The following NOTCH3 variants were observed in gnomAD, a reference collection of about 807,000 sequenced individuals.
NOTCH3 encodes neurogenic locus notch homolog protein 3.
Under a neutral mutation model 213.3 loss-of-function variants are expected in NOTCH3, and 86 were observed. That is an observed-to-expected ratio of 0.40 (90% CI 0.34 to 0.48). The LOEUF (loss-of-function observed/expected upper bound fraction) is 0.48, where lower values mean the gene tolerates loss of function less well. Ranked by LOEUF, NOTCH3 falls within the 20% of genes least tolerant of loss-of-function variation. The pLI is 0.57. For missense variants in NOTCH3, 2,783 were observed against 3,272.6 expected (o/e 0.85, Z 3.65); for synonymous variants, 1,354 against 1,355.9 (o/e 1.00, Z 0.03).
At chr19:15,167,472 C>T in intron 28 of NOTCH3, 61 bp from the exon 29 acceptor site, 1 of 1,532,248 alleles carries the variant, frequency 6.5e-7, no homozygotes, top group Non-Finnish European at 8.9e-7. Context: ...AGAGCCACTG[C>T]CAGGGATGGG....
intron 32 of NOTCH3, 107 bp downstream of exon 32, chr19:15,162,358 T>G: frequency 2.4e-6 from 2 of 835,108 alleles, no homozygotes; most frequent in Non-Finnish European, 4.0e-6. Flanking sequence ...ATGTTTGGGG[T>G]TTTATTTTGT....
rs986522806 is a variant in NOTCH3 at position 15,165,111 on chromosome 19, G to A, written c.5815+257C>T. Among the ~76,000 whole-genome samples the A allele has an allele frequency of 4.6e-5, 7 of 152,154 alleles. No homozygotes were observed. The highest frequency in any genetic ancestry group is 1.7e-4 in the African/African-American group (7 of 41,418). On this transcript the variant is annotated intron_variant, in intron 31 of 32. Coordinates refer to ENST00000263388, the MANE Select transcript of NOTCH3 (RefSeq NM_000435.3). The surrounding 1 kb of genome is among the most constrained non-coding windows in gnomAD (Gnocchi z 4.7). ...CGTTTATTATAATAACTTCCAGCAG[G>A]TGGAAGTACAGTGTGTCCGTCTAAC...
chr19:15,196,638 T>C (rs554568290), intron 2 of NOTCH3, among the ~76,000 whole-genome samples: 3 of 152,178 alleles, frequency 2.0e-5, no homozygotes, highest in Non-Finnish European at 4.4e-5. Flanking sequence ...CTCATAACCT[T>C]GAGAGACTTC....
chr19:15,170,898 T>C, intron 25 of NOTCH3, 73 bp from the exon 26 acceptor site: 2 of 1,538,344 alleles, frequency 1.3e-6, no homozygotes, highest in Non-Finnish European at 1.8e-6. Context: ...AAGCCCCACT[T>C]TCCCTCCCCA....
Position 15,181,731 on chromosome 19 carries a change from G to A in NOTCH3, c.2637C>T (p.Phe879=), listed in dbSNP as rs2145424336. 2 of 1,573,748 alleles carry A rather than the reference G, an allele frequency of 1.3e-6. No homozygotes were observed. Among genetic ancestry groups the A allele is most frequent in the Non-Finnish European group, 1.7e-6 (2 of 1,159,192 alleles). ...GSFSCSCLPG[F]AGPRCARDVD... is the part of the protein sequence containing the mutation. ...CATCGCGGGCGCATCGTGGGCCGGC[G>A]AAACCAGGGAGGCAGGAGCAGGAAA... The change falls in exon 17 of 33, where the codon TTC becomes TTT. Residue 879 remains phenylalanine, a synonymous_variant. Coordinates refer to ENST00000263388, the MANE Select transcript of NOTCH3 (RefSeq NM_000435.3).
In NOTCH3 at chr19:15,178,099, C is replaced by A; in HGVS notation, c.3838-9G>T. The A allele has an allele frequency of 7.6e-7, 1 of 1,316,840 alleles. No individual in the cohort carries two copies. The highest frequency in any genetic ancestry group is 2.3e-5 in the Admixed American group (1 of 43,186). The allele number at this position is 1,316,840 out of a possible 1,614,324, so 81.6% of individuals were successfully genotyped here. A position where few individuals can be genotyped will look rare whatever the true frequency, so the allele number is the denominator to read the frequency against. On this transcript the variant is annotated splice_polypyrimidine_tract_variant and intron_variant, in intron 23 of 32. Transcript: ENST00000263388. The stretch of plus-strand genomic sequence containing the variant: ...CGCGGACCCCAGAACGGCTGGGGGT[C>A]GGGTTTGGGGAGGGAGGGATAAAAA...
chr19:15,160,864 C>A lies in NOTCH3; in HGVS notation c.6764G>T (p.Trp2255Leu). 5 of 1,613,916 alleles carry A rather than the reference C, an allele frequency of 3.1e-6. No individual in the cohort carries two copies. Among genetic ancestry groups the A allele is most frequent in the Non-Finnish European group, 4.2e-6 (5 of 1,179,890 alleles). ...LTPSPESPEH[W>L]ASPSPPSLSD... ...GAGGGAGGGAGGTGAGGGGCTGGCC[C>A]AGTGCTCAGGGGATTCGGGGGATGG... The change falls in exon 33 of 33, where the codon TGG becomes TTG. Residue 2255 changes from tryptophan to leucine, a missense_variant. Physicochemically the swap from Trp to Leu is moderately conservative, Grantham distance 61. Transcript: ENST00000263388.
rs1220670491 is a variant in NOTCH3 at position 15,181,786 on chromosome 19, C to T, written c.2582G>A (p.Gly861Asp). The T allele has an allele frequency of 6.4e-7, 1 of 1,560,428 alleles. No individual in the cohort carries two copies. Among genetic ancestry groups the T allele is most frequent in the South Asian group, 1.2e-5 (1 of 84,722 alleles). ...GCCCACGCCGTCTTGGCACGAGCCACCGTTCAGGCATGGGTCTGCGGACAG... is the reference window on the plus strand; with the variant it reads ...GCCCACGCCGTCTTGGCACGAGCCATCGTTCAGGCATGGGTCTGCGGACAG... Reference protein sequence around the residue: ...NDCDPNPCLNGGSCQDGVGSF... With the variant: ...NDCDPNPCLNDGSCQDGVGSF... Residue 861 changes from glycine (G) to aspartate (D), a missense_variant, in exon 17 of 33, where the codon GGT (glycine) becomes GAT (aspartate). Gly to Asp is a moderately conservative substitution (Grantham distance 94). Coordinates refer to ENST00000263388, the MANE Select transcript of NOTCH3 (RefSeq NM_000435.3).
intron 28 of NOTCH3, 37 bp downstream of exon 28, chr19:15,170,049 T>C (rs1308900284): frequency 8.0e-7 from 1 of 1,244,930 alleles, no homozygotes; most frequent in African/African-American, 1.5e-5. Context: ...AGGGGAGGGG[T>C]CAGAGGAGGG....
At position 15,159,683 on chromosome 19, in the gene NOTCH3, C is replaced by T. The variant is rs770658868; in HGVS notation, c.*979G>A. 24 of 232,642 alleles carry T rather than the reference C, an allele frequency of 1.0e-4. No individual in the cohort carries two copies. The highest frequency in any genetic ancestry group is 1.5e-4 in the African/African-American group (7 of 45,264). 14.4% of individuals were successfully genotyped at this position (232,642 alleles called of 1,614,324 possible). On this transcript the variant is annotated 3_prime_UTR_variant, in exon 33 of 33. Transcript: ENST00000263388. Reference sequence around the variant, plus strand: ...GTGGTGAGGGGAGTGGGGGGCTGTACAATGCAGGGCTTGGGAATTCAGCTA... The same window carrying T: ...GTGGTGAGGGGAGTGGGGGGCTGTATAATGCAGGGCTTGGGAATTCAGCTA...
intron 19 of NOTCH3, 104 bp downstream of exon 19, chr19:15,180,577 C>T: frequency 1.5e-6 from 2 of 1,351,840 alleles, no homozygotes; most frequent in Non-Finnish European, 2.0e-6. Flanking sequence ...CCCCATCATG[C>T]CCCATAGGCT....
rs1031603980 is a variant in NOTCH3 at position 15,177,965 on chromosome 19, T to G, written c.3963A>C (p.Gly1321=). Residue 1321 remains glycine, a synonymous_variant, in exon 24 of 33, where the codon GGA becomes GGC. Transcript: ENST00000263388. ...PRCACPPGLS[G]PSCRSFPGSP... The stretch of plus-strand genomic sequence containing the variant: ...ACCCCGGGAAGCTGCGGCAGGAGGG[T>G]CCCGACAACCCTGGGGGGCAGGCGC... The G allele has an allele frequency of 2.2e-6, 3 of 1,338,674 alleles. No individual in the cohort carries two copies. Among genetic ancestry groups the G allele is most frequent in the Non-Finnish European group, 1.9e-6 (2 of 1,046,236 alleles). 82.9% of individuals were successfully genotyped at this position (1,338,674 alleles called of 1,614,324 possible). A position where few individuals can be genotyped will look rare whatever the true frequency, so the allele number is the denominator to read the frequency against.
intron 1 of NOTCH3, among the ~76,000 whole-genome samples, chr19:15,197,827 A>C (rs2046982560): frequency 7.3e-6 from 1 of 136,764 alleles, no homozygotes; most frequent in Admixed American, 8.1e-5. Context: ...GGAAGGCAGG[A>C]GGAGGGGCTG....
In NOTCH3 at chr19:15,182,094, G is replaced by A. The variant is rs563542151; in HGVS notation, c.2567-293C>T. On this transcript the variant is annotated intron_variant, in intron 16 of 32. Transcript: ENST00000263388. The stretch of plus-strand genomic sequence containing the variant: ...GATCTAATTCCTGTGCTTGGAACAG[G>A]ACAAGGACAGTGGCCATTAGCCACA... 3.3e-5 allele frequency among the ~76,000 whole-genome samples: 5 copies of A among 152,328 alleles called. No individual in the cohort carries two copies. The South Asian group carries it at 1.0e-3, about 32-fold the overall frequency.
At chr19:15,182,467 A>C (rs1368945293) in intron 16 of NOTCH3, among the ~76,000 whole-genome samples, 1 of 151,600 alleles carries the variant, frequency 6.6e-6, no homozygotes, top group Non-Finnish European at 1.5e-5. Flanking sequence ...TGATCGCACC[A>C]CTGCACTCCA....
intron 12 of NOTCH3, among the ~76,000 whole-genome samples, chr19:15,186,289 G>A (rs1320670400): frequency 1.3e-5 from 2 of 151,964 alleles, no homozygotes; most frequent in South Asian, 2.1e-4. Context: ...TTCCACTAAG[G>A]ATTAGTTTAG....
chr19:15,195,474 C>G (rs978268523), intron 2 of NOTCH3, among the ~76,000 whole-genome samples: 2 of 151,786 alleles, frequency 1.3e-5, no homozygotes, highest in Non-Finnish European at 2.9e-5. Flanking sequence ...TCTATCCCCC[C>G]ACCCTCCGCC....
At chr19:15,177,403 A>C in intron 24 of NOTCH3, 122 bp downstream of exon 24, 21 of 813,912 alleles carry the variant, frequency 2.6e-5, no homozygotes, top group Non-Finnish European at 4.0e-5. Context: ...ATGGGCAGAT[A>C]GAGTGCACAG....
chr19:15,179,479 A>G lies in NOTCH3; in HGVS notation c.3345T>C (p.Asn1115=). Residue 1115 remains asparagine (N), a synonymous_variant, in exon 21 of 33, where the codon AAT becomes AAC. Transcript: ENST00000263388. ...CCACGTCGTCCTCACAGTTATCACC[A>G]TTGTAGCCAGGAAGACACTTCAGTG... The part of the protein sequence containing the change: ...GYMCECLPGY[N]GDNCEDDVDE... 1 of 1,614,038 alleles carries G rather than the reference A, an allele frequency of 6.2e-7. No individual in the cohort carries two copies. Among genetic ancestry groups the G allele is most frequent in the Non-Finnish European group, 8.5e-7 (1 of 1,180,020 alleles).
Sources: gnomAD v4.1 joint callset for allele counts (sites outside exome capture counted in the v4.1 genomes callset) on GRCh38, gnomAD v4.1.1 for gene constraint, Gnocchi (gnomAD v3.1) non-coding constraint, MANE v1.5 for transcripts, NCBI Gene and HGNC (gene_info 2026-07-23, HGNC 2026-07-21) for gene names.